SEL1L3: variants seen among roughly 807,000 people sequenced by gnomAD.
SEL1L3 encodes the protein protein sel-1 homolog 3.
Under a neutral mutation model 142.8 loss-of-function variants are expected in SEL1L3, and 76 were observed. The observed-to-expected ratio is 0.53, with a 90% CI of 0.44 to 0.64. SEL1L3 has a LOEUF of 0.64. Among genes scored for constraint, SEL1L3 ranks in the 30% least tolerant of loss-of-function variants. The pLI, the probability that SEL1L3 is intolerant of heterozygous loss-of-function variation, is 0.00. For synonymous variants in SEL1L3, 504 were observed against 519.6 expected, an observed-to-expected ratio of 0.97 and a Z score of 0.41; for missense variants, 1,262 against 1,381.7, an observed-to-expected ratio of 0.91 and a Z score of 1.37.
the SEL1L3 span, among the ~76,000 whole-genome samples, chr4:25,717,687 G>T: frequency 6.6e-6 from 1 of 152,134 alleles, no homozygotes; most frequent in Non-Finnish European, 1.5e-5. Context: ...ATGAACAGAG[G>T]AGGAATTTAG....
At chr4:25,784,179 T>C (rs1711620019) in intron 14 of SEL1L3, 49 bp downstream of exon 14, 1 of 1,394,636 alleles carries the variant, frequency 7.2e-7, no homozygotes, top group Admixed American at 1.7e-5. Context: ...CGAGAGCGTG[T>C]GGGAGTGTGT....
At chr4:25,812,927 C>T (rs746975588) in intron 9 of SEL1L3, among the ~76,000 whole-genome samples, 16 of 151,894 alleles carry the variant, frequency 1.1e-4, no homozygotes, top group Non-Finnish European at 2.1e-4. Context: ...GCAGGAGAAT[C>T]GCTTGAACCC....
At chr4:25,721,398 G>T in the SEL1L3 span, among the ~76,000 whole-genome samples, 3 of 151,748 alleles carry the variant, frequency 2.0e-5, no homozygotes, top group East Asian at 1.9e-4. Flanking sequence ...GCTCTTTTGC[G>T]TTTGTTTTCA....
At chr4:25,767,959 T>G in intron 17 of SEL1L3, 129 bp from the exon 18 acceptor site, 1 of 628,464 alleles carries the variant, frequency 1.6e-6, no homozygotes, top group Admixed American at 3.0e-5. Context: ...AATCGTGAGT[T>G]TTTTTAAAAA....
intron 11 of SEL1L3, among the ~76,000 whole-genome samples, chr4:25,793,927 G>C (rs1268374266): frequency 6.6e-6 from 1 of 152,162 alleles, no homozygotes; most frequent in Non-Finnish European, 1.5e-5. Flanking sequence ...AATGGAGAAA[G>C]GATTCCCTAT....
In SEL1L3 at chr4:25,837,580, C is replaced by T. The variant is rs117006872; in HGVS notation, c.734-2257G>A. Among the ~76,000 whole-genome samples the T allele has an allele frequency of 2.6e-3, 397 of 151,978 alleles. 2 individuals are homozygous for T. The highest frequency in any genetic ancestry group is 8.2e-3 in the African/African-American group (338 of 41,420). ...TTTACAAGAACACATACCGTTTGTA[C>T]CCAACAAAACCAAAGTAATGGTAGT... On this transcript the variant is annotated intron_variant, in intron 2 of 23. Transcript: ENST00000399878.
chr4:25,793,064 C>T (rs13151077), intron 11 of SEL1L3, among the ~76,000 whole-genome samples: 41,270 of 152,054 alleles, frequency 0.27, 5,865 homozygotes, highest in Middle Eastern at 0.38. Flanking sequence ...TCTTTGCAAC[C>T]TGATAAGACA....
intron 9 of SEL1L3, among the ~76,000 whole-genome samples, chr4:25,813,331 A>C (rs938036804): frequency 6.6e-6 from 1 of 152,250 alleles, no homozygotes; most frequent in Non-Finnish European, 1.5e-5. Flanking sequence ...ATGGATAAAT[A>C]AAGTGTGGTA....
At chr4:25,740,079 C>T in the SEL1L3 span, among the ~76,000 whole-genome samples, 1 of 151,858 alleles carries the variant, frequency 6.6e-6, no homozygotes, top group African/African-American at 2.4e-5. Flanking sequence ...GAATTACAGG[C>T]GTGAGCCACC....
At chr4:25,789,713 GT>G (rs1712156611) in intron 12 of SEL1L3, among the ~76,000 whole-genome samples, 2 of 151,698 alleles carry the variant, frequency 1.3e-5, no homozygotes, top group South Asian at 2.1e-4. Flanking sequence ...TCTTCCCGAT[GT>G]TGCTGCACTC....
intron 16 of SEL1L3, chr4:25,778,039 C>A: frequency 1.0e-5 from 3 of 299,512 alleles, no homozygotes; most frequent in South Asian, 8.7e-5. Flanking sequence ...TACCAAGCTA[C>A]ATTTCATCTA....
chr4:25,807,334 C>A (rs1713658836), intron 9 of SEL1L3, among the ~76,000 whole-genome samples: 4 of 152,178 alleles, frequency 2.6e-5, no homozygotes. Flanking sequence ...CATGATAACA[C>A]CCCTTTTCAC....
Position 25,765,314 on chromosome 4 carries a change from G to A in SEL1L3, c.2955+12C>T, listed in dbSNP as rs771188718. 8.9e-6 allele frequency: 14 copies of A among 1,575,914 alleles called. No homozygotes were observed. The Admixed American group carries it at 1.3e-4, about 15-fold the overall frequency. ...CGGCCAAGAGCTGGTTTTTGTTGCG[G>A]TTGCTGTTTACCTGGGAGTCTCCAT... On this transcript the variant is annotated intron_variant, in intron 20 of 23. Transcript: ENST00000399878.
At chr4:25,717,559 G>C in the SEL1L3 span, among the ~76,000 whole-genome samples, 41 of 152,278 alleles carry the variant, frequency 2.7e-4, no homozygotes, top group African/African-American at 9.9e-4. Flanking sequence ...CCAGCTACTT[G>C]GGAGGCTGAG....
chr4:25,839,689 G>C (rs1388414899), intron 2 of SEL1L3, among the ~76,000 whole-genome samples: 1 of 152,170 alleles, frequency 6.6e-6, no homozygotes, highest in Non-Finnish European at 1.5e-5. Flanking sequence ...TTTACTTCTG[G>C]GAAAAGGACC....
intron 20 of SEL1L3, among the ~76,000 whole-genome samples, chr4:25,765,025 T>C (rs966280045): frequency 6.6e-6 from 1 of 152,094 alleles, no homozygotes; most frequent in African/African-American, 2.4e-5. Flanking sequence ...GACAGGGTCT[T>C]GCTCTGTCAC....
At chr4:25,827,207 C>T (rs958532589) in intron 6 of SEL1L3, among the ~76,000 whole-genome samples, 2 of 152,164 alleles carry the variant, frequency 1.3e-5, no homozygotes, top group Admixed American at 6.5e-5. Flanking sequence ...ACCCCTCCTC[C>T]CACCAAATTC....
chr4:25,799,484 C>T (rs556068799), intron 11 of SEL1L3, among the ~76,000 whole-genome samples: 1 of 152,238 alleles, frequency 6.6e-6, no homozygotes, highest in African/African-American at 2.4e-5. Context: ...AGTATAGTTC[C>T]ATTCTGAGGT....
intron 17 of SEL1L3, among the ~76,000 whole-genome samples, chr4:25,773,086 C>T (rs541046071): frequency 2.0e-5 from 3 of 152,242 alleles, no homozygotes; most frequent in Non-Finnish European, 4.4e-5. Context: ...CGTGCACCAC[C>T]ACGCCCAGCA....
Sources: gnomAD v4.1 joint callset for allele counts (sites outside exome capture counted in the v4.1 genomes callset) on GRCh38, gnomAD v4.1.1 for gene constraint, MANE v1.5 for transcripts, NCBI Gene and HGNC (gene_info 2026-07-23, HGNC 2026-07-21) for gene names.